DSCAML1: variants seen among roughly 807,000 people sequenced by gnomAD.
DSCAML1 encodes the protein DS cell adhesion molecule like 1, also known as cell adhesion molecule DSCAML1.
DSCAML1 carries 38 observed loss-of-function variants against 200.5 expected under a neutral mutation model. The ratio of observed to expected loss-of-function variants is 0.19; its 90% CI spans 0.15 to 0.25. The LOEUF (loss-of-function observed/expected upper bound fraction) is 0.25. DSCAML1 is among the 10% of genes least tolerant of loss of function. DSCAML1 has a pLI of 1.00. For synonymous variants in DSCAML1, 1,215 were observed against 1,165.0 expected, an observed-to-expected ratio of 1.04 and a Z score of -0.87; for missense variants, 2,223 against 2,858.8, an observed-to-expected ratio of 0.78 and a Z score of 5.07.
rs376667204 is a variant in DSCAML1, at chr11:117,495,463, G to A, written c.2359+8382C>T. Among the ~76,000 whole-genome samples, 9 of 152,280 alleles carry A rather than the reference G, an allele frequency of 5.9e-5. No homozygotes were observed. In the East Asian group the frequency reaches 1.7e-3, roughly 29 times the overall value. The stretch of plus-strand genomic sequence containing the variant: ...GACTAGGCAGGGAGGGGTGGGTGGA[G>A]GCTCAGGCTTCTAGGCGAATCTGCA... On this transcript the variant is annotated intron_variant, in intron 11 of 32. Transcript: ENST00000651296.
At position 117,521,271 on chromosome 11, in the gene DSCAML1, C is replaced by T; in HGVS notation, c.1072G>A (p.Asp358Asn). The change falls in exon 6 of 33, where the codon GAC becomes AAC. Residue 358 changes from aspartate (D) to asparagine (N), a missense_variant. This residue lies in a region of DSCAML1 where 579 missense variants were observed against 721.5 expected (regional missense o/e 0.80). Transcript: ENST00000651296. ...WYRNTELVLP[D>N]EAISIRGLSN... The stretch of plus-strand genomic sequence containing the variant: ...AGCCCGCGGATGGAGATGGCCTCGT[C>T]AGGCAGCACCAGCTCCGTGTTGCGA... The T allele has an allele frequency of 6.2e-7, 1 of 1,614,198 alleles. No individual in the cohort carries two copies. Among genetic ancestry groups the T allele is most frequent in the Non-Finnish European group, 8.5e-7 (1 of 1,180,022 alleles).
At chr11:117,678,535 G>A (rs962224829) in intron 3 of DSCAML1, among the ~76,000 whole-genome samples, 6 of 152,216 alleles carry the variant, frequency 3.9e-5, no homozygotes, top group East Asian at 3.9e-4. Context: ...TGGAAGGGGC[G>A]TTGAGCAGGG....
At chr11:117,617,485 A>T (rs907842847) in intron 3 of DSCAML1, among the ~76,000 whole-genome samples, 2 of 152,194 alleles carry the variant, frequency 1.3e-5, no homozygotes, top group Non-Finnish European at 2.9e-5. Context: ...GCACTGTGGG[A>T]TGCCTGCGAT....
chr11:117,718,831 C>T (rs532782904), intron 3 of DSCAML1, among the ~76,000 whole-genome samples: 3 of 152,130 alleles, frequency 2.0e-5, no homozygotes, highest in Non-Finnish European at 4.4e-5. Flanking sequence ...GTTTAACGAG[C>T]ACATAACCAT....
chr11:117,586,669 G>C (rs185269573), intron 3 of DSCAML1, among the ~76,000 whole-genome samples: 3 of 152,314 alleles, frequency 2.0e-5, no homozygotes, highest in African/African-American at 7.2e-5. Context: ...TTCAAGGAAG[G>C]CTTGGAGAAT....
chr11:117,550,610 A>G (rs1301238315), intron 3 of DSCAML1, among the ~76,000 whole-genome samples: 1 of 152,168 alleles, frequency 6.6e-6, no homozygotes, highest in East Asian at 1.9e-4. Context: ...CTTTTTGTGC[A>G]TTTATCTTCT....
intron 3 of DSCAML1, among the ~76,000 whole-genome samples, chr11:117,630,159 A>G (rs1173805907): frequency 6.6e-6 from 1 of 152,096 alleles, no homozygotes; most frequent in African/African-American, 2.4e-5. Context: ...TGTCCCCCAC[A>G]GGGCACAGGA....
chr11:117,729,035 G>A (rs7944453), intron 3 of DSCAML1, among the ~76,000 whole-genome samples: 10,309 of 152,154 alleles, frequency 0.068, 539 homozygotes, highest in African/African-American at 0.13. Flanking sequence ...ACAAAGCTAC[G>A]GTAATCAAGA....
chr11:117,429,024 G>A (rs995601526), intron 32 of DSCAML1, among the ~76,000 whole-genome samples: 3 of 152,208 alleles, frequency 2.0e-5, no homozygotes, highest in African/African-American at 7.2e-5. Flanking sequence ...TTCCCCACAG[G>A]ATTATTGTGA....
chr11:117,448,633 G>GT (rs1386007101), intron 20 of DSCAML1, among the ~76,000 whole-genome samples: 6 of 122,416 alleles, frequency 4.9e-5, no homozygotes, highest in African/African-American at 1.8e-4. Context: ...ATGTGTGTGT[G>GT]TGTGTGGGGG....
In DSCAML1 at chr11:117,498,203, A is replaced by C. The variant is rs1285164650; in HGVS notation, c.2359+5642T>G. 1.3e-5 allele frequency among the ~76,000 whole-genome samples: 2 copies of C among 152,162 alleles called. No homozygotes were observed. The highest frequency in any genetic ancestry group is 6.5e-5 in the Admixed American group (1 of 15,282). On this transcript the variant is annotated intron_variant, in intron 11 of 32. Transcript: ENST00000651296. This position sits in a 1 kb window ranked among gnomAD's most constrained non-coding sequence, Gnocchi z 4.0. ...GGAACACACAGGAATATCTTGGGCC[A>C]GTTGTTTGCCCTCTCTGGGGCCTCA... is the stretch of plus-strand genomic sequence containing the variant.
At chr11:117,453,805 G>A (rs11605475) in intron 19 of DSCAML1, among the ~76,000 whole-genome samples, 39,276 of 147,174 alleles carry the variant, frequency 0.27, 5,223 homozygotes, top group Middle Eastern at 0.29. Context: ...GTGCAGTAGT[G>A]CGATCTTGGC....
At chr11:117,442,453 G>C (rs972738093) in intron 21 of DSCAML1, among the ~76,000 whole-genome samples, 13 of 152,014 alleles carry the variant, frequency 8.6e-5, no homozygotes, top group African/African-American at 3.1e-4. Flanking sequence ...GTGTATAAGT[G>C]TGTGCGCGTG....
At chr11:117,546,871 A>C (rs1468529867) in intron 3 of DSCAML1, among the ~76,000 whole-genome samples, 1 of 152,156 alleles carries the variant, frequency 6.6e-6, no homozygotes, top group African/African-American at 2.4e-5. Context: ...GCTGTAATAA[A>C]ACTGGAGCGC....
intron 3 of DSCAML1, among the ~76,000 whole-genome samples, chr11:117,605,260 C>T (rs190349700): frequency 3.7e-3 from 560 of 152,250 alleles, no homozygotes; most frequent in East Asian, 0.018. Context: ...CCCCAAAGCA[C>T]GGCTGGTCTG....
chr11:117,792,588 G>A (rs1433853256), intron 1 of DSCAML1, among the ~76,000 whole-genome samples: 1 of 151,878 alleles, frequency 6.6e-6, no homozygotes, highest in Non-Finnish European at 1.5e-5. Flanking sequence ...CACCTCCCAG[G>A]CTAGGTGGTG....
intron 3 of DSCAML1, among the ~76,000 whole-genome samples, chr11:117,640,032 GTCC>G (rs1417480266): frequency 6.6e-6 from 1 of 152,324 alleles, no homozygotes; most frequent in East Asian, 1.9e-4. Context: ...TCGTGGAATG[GTCC>G]TCTGGAGCTT....
chr11:117,720,277 C>G (rs966220583), intron 3 of DSCAML1, among the ~76,000 whole-genome samples: 1 of 152,084 alleles, frequency 6.6e-6, no homozygotes, highest in African/African-American at 2.4e-5. Context: ...CTGACAGGGC[C>G]CCAAACAAGC....
intron 11 of DSCAML1, among the ~76,000 whole-genome samples, chr11:117,496,178 C>T (rs942708912): frequency 1.2e-4 from 19 of 152,214 alleles, no homozygotes; most frequent in African/African-American, 9.7e-5. Flanking sequence ...CATTTTAGCA[C>T]GTGATCTTGT....
Sources: gnomAD v4.1 joint callset for allele counts (sites outside exome capture counted in the v4.1 genomes callset) on GRCh38, gnomAD v4.1.1 for gene constraint, gnomAD v4.1.1 regional missense constraint, Gnocchi (gnomAD v3.1) non-coding constraint, MANE v1.5 for transcripts, NCBI Gene and HGNC (gene_info 2026-07-23, HGNC 2026-07-21) for gene names.